Variants in LINS1 observed in about 807,000 individuals in gnomAD.
LINS1 encodes the protein protein Lines homolog 1.
LINS1 carries 27 observed loss-of-function variants against 41.6 expected under a neutral mutation model. The observed-to-expected ratio is 0.65, with a 90% CI of 0.48 to 0.89. The LOEUF is 0.89. LINS1 is among the 40% of genes least tolerant of loss of function. The probability of loss-of-function intolerance (pLI) is 0.00; values close to 1 mark genes in which losing one functional copy is unlikely to be tolerated. For missense variants in LINS1, 955 were observed against 884.1 expected, an observed-to-expected ratio of 1.08 and a Z score of -1.02; for synonymous variants, 336 against 312.9, an observed-to-expected ratio of 1.07 and a Z score of -0.78.
chr15:100,569,023 C>G lies in LINS1; in HGVS notation c.*215G>C, dbSNP rs2037652051. 7.4e-6 allele frequency: 3 copies of G among 403,936 alleles called. No homozygotes were observed. Among genetic ancestry groups the G allele is most frequent in the South Asian group, 5.8e-5 (2 of 34,574 alleles). The allele number at this position is 403,936 out of a possible 1,614,324, so 25.0% of individuals were successfully genotyped here. A position where few individuals can be genotyped will look rare whatever the true frequency, so the allele number is the denominator to read the frequency against. ...CCTGTAATTCCAGCTACTCGGGAGACTGAGGCAGGAGAATTGCTTGAACCC... is the reference window on the plus strand; with the variant it reads ...CCTGTAATTCCAGCTACTCGGGAGAGTGAGGCAGGAGAATTGCTTGAACCC... On this transcript the variant is annotated 3_prime_UTR_variant, in exon 7 of 7. Transcript: ENST00000314742.
chr15:100,570,102 A>G lies in LINS1; in HGVS notation c.1410T>C (p.Thr470=), dbSNP rs754002432. The G allele has an allele frequency of 3.2e-6, 5 of 1,586,584 alleles. No homozygotes were observed. The African/African-American group carries it at 5.4e-5, about 17-fold the overall frequency. The stretch of plus-strand genomic sequence containing the variant: ...TTTCTTTTCCCTGAGTCAAGCTTTC[A>G]GTGGCTTCACATCCTCTGAAAATGA... The part of the protein sequence containing the change: ...YLTLTRGCEA[T]ESLTQGKEMW... Residue 470 remains threonine (T), a synonymous_variant, in exon 7 of 7, where the codon ACT becomes ACC. Coordinates refer to ENST00000314742, the MANE Select transcript of LINS1 (RefSeq NM_001040616.3).
rs111869226 is a variant in LINS1, at chr15:100,595,269, T to G, written c.-104+6852A>C. ...AAGATGAGAAGACAAGCTACAGACT[T>G]AAAGAAAAATATCTGCAAAGCACAT... On this transcript the variant is annotated intron_variant, in intron 1 of 6. Coordinates refer to ENST00000314742, the MANE Select transcript of LINS1 (RefSeq NM_001040616.3). Among the ~76,000 whole-genome samples, 101 of 151,624 alleles carry G rather than the reference T, an allele frequency of 6.7e-4. 1 individual carries two copies. Among genetic ancestry groups the G allele is most frequent in the African/African-American group, 2.3e-3 (95 of 41,284 alleles).
At chr15:100,582,352 A>C (rs1373726761) in intron 1 of LINS1, among the ~76,000 whole-genome samples, 9 of 121,226 alleles carry the variant, frequency 7.4e-5, no homozygotes, top group East Asian at 2.9e-4. Context: ...TCCATCTACA[A>C]CATGGCCCAC....
At chr15:100,589,277 A>G (rs755334901) in intron 1 of LINS1, among the ~76,000 whole-genome samples, 68 of 152,252 alleles carry the variant, frequency 4.5e-4, no homozygotes, top group Non-Finnish European at 8.7e-4. Context: ...AACCACAGAA[A>G]TAACCAAATT....
At chr15:100,574,804 T>A (rs2038063455) in intron 4 of LINS1, among the ~76,000 whole-genome samples, 183 bp downstream of exon 4, 1 of 152,170 alleles carries the variant, frequency 6.6e-6, no homozygotes, top group Admixed American at 6.5e-5. Context: ...AGCTTTACTT[T>A]TTTCCTTATA....
At chr15:100,580,070 GAGAAAC>G (rs1383055567) in intron 3 of LINS1, among the ~76,000 whole-genome samples, 187 bp downstream of exon 3, 1 of 152,080 alleles carries the variant, frequency 6.6e-6, no homozygotes, top group Non-Finnish European at 1.5e-5. Context: ...GAAACTATAA[GAGAAAC>G]AGGTTAGGTG....
rs576126444 is a variant in LINS1, at chr15:100,570,025, A to G, written c.1487T>C (p.Leu496Ser). The change falls in exon 7 of 7, where the codon TTG becomes TCG. Residue 496 changes from leucine (L) to serine (S), a missense_variant. Leu to Ser is a moderately radical substitution (Grantham distance 145). Coordinates refer to ENST00000314742, the MANE Select transcript of LINS1 (RefSeq NM_001040616.3). ...ENGYNPHCIF[L>S]FFLKNIGFDS... ...AAATCCTATATTTTTCAAGAAGAACAAGAAAATACAGTGAGGATTATAGCC... is the reference window on the plus strand; with the variant it reads ...AAATCCTATATTTTTCAAGAAGAACGAGAAAATACAGTGAGGATTATAGCC... 1.3e-5 allele frequency: 20 copies of G among 1,552,578 alleles called. No individual in the cohort carries two copies. The South Asian group carries it at 1.8e-4, about 14-fold the overall frequency.
At position 100,573,753 on chromosome 15, in the gene LINS1, T is replaced by A; in HGVS notation, c.1120A>T (p.Ile374Phe). ...GDEVQPECELITSPDHVILRA... is the reference protein window; with the variant it reads ...GDEVQPECELFTSPDHVILRA... ...AGGATCACATGATCTGGACTAGTGA[T>A]AAGTTCACATTCAGGTTGAACTTCA... The change falls in exon 5 of 7, where the codon ATC (isoleucine) becomes TTC (phenylalanine). Residue 374 changes from isoleucine (I) to phenylalanine (F), a missense_variant. Ile to Phe is a conservative substitution (Grantham distance 21). Coordinates refer to ENST00000314742, the MANE Select transcript of LINS1 (RefSeq NM_001040616.3). 1 of 1,613,880 alleles carries A rather than the reference T, an allele frequency of 6.2e-7. No homozygotes were observed.
chr15:100,573,605 AAGT>A (rs1190895700), intron 5 of LINS1, 43 bp downstream of exon 5: 3 of 1,159,618 alleles, frequency 2.6e-6, no homozygotes, highest in Admixed American at 1.9e-5. Context: ...TACTGTACTT[AAGT>A]AAATAATTAC....
Position 100,572,044 on chromosome 15 carries a change from G to C in LINS1, c.1244C>G (p.Ser415Cys). Residue 415 changes from serine to cysteine, a missense_variant, in exon 6 of 7, where the codon TCT (serine) becomes TGT (cysteine). Ser to Cys is a moderately radical substitution (Grantham distance 112). Coordinates refer to ENST00000314742, the MANE Select transcript of LINS1 (RefSeq NM_001040616.3). ...EVKVDLQRFMSELLTFLKPHL... is the reference protein window; with the variant it reads ...EVKVDLQRFMCELLTFLKPHL... ...AGGCTTTAAGAAGGTCAGTAACTCA[G>C]ACATGAACCTCTGTAAGTCAACTTC... 6.2e-7 allele frequency: 1 copy of C among 1,614,174 alleles called. No individual in the cohort carries two copies. Among genetic ancestry groups the C allele is most frequent in the Non-Finnish European group, 8.5e-7 (1 of 1,180,024 alleles).
At position 100,569,832 on chromosome 15, in the gene LINS1, GACACAGCC is replaced by G; in HGVS notation, c.1672_1679del (p.Gly558ProfsTer22). ...AGCTTTGGTCTTGGACAAGTGAGGGGACACAGCCACAAATACTTATGTCATATTTAGAT... is the reference window on the plus strand; with the variant it reads ...AGCTTTGGTCTTGGACAAGTGAGGGGACAAATACTTATGTCATATTTAGAT... On this transcript the variant is annotated frameshift_variant, in exon 7 of 7. Transcript: ENST00000314742. LOFTEE classifies it low-confidence loss of function (END_TRUNC). The G allele has an allele frequency of 6.2e-7, 1 of 1,614,122 alleles. No homozygotes were observed. The highest frequency in any genetic ancestry group is 1.1e-5 in the South Asian group (1 of 91,066).
intron 1 of LINS1, among the ~76,000 whole-genome samples, chr15:100,600,149 A>G (rs543556500): frequency 6.6e-6 from 1 of 152,358 alleles, no homozygotes; most frequent in African/African-American, 2.4e-5. Flanking sequence ...CAGCATCTCA[A>G]CTAAAAATTT....
chr15:100,584,128 C>G (rs541892910), intron 1 of LINS1, among the ~76,000 whole-genome samples: 1 of 152,178 alleles, frequency 6.6e-6, no homozygotes, highest in East Asian at 1.9e-4. Context: ...ATTGCACTTA[C>G]TTTATATTTT....
intron 3 of LINS1, among the ~76,000 whole-genome samples, chr15:100,579,698 A>T (rs1051626451): frequency 6.6e-6 from 1 of 152,090 alleles, no homozygotes; most frequent in Non-Finnish European, 1.5e-5. Context: ...TAAGAGAAAA[A>T]CTCAACTCTG....
rs2037649988 is a variant in LINS1, at chr15:100,568,983, G to C, written c.*255C>G. 6.1e-6 allele frequency: 2 copies of C among 330,314 alleles called. No homozygotes were observed. Among genetic ancestry groups the C allele is most frequent in the Non-Finnish European group, 1.1e-5 (2 of 177,186 alleles). The allele number at this position is 330,314 out of a possible 1,614,324, so 20.5% of individuals were successfully genotyped here. ...TACTAAAAATACAAAAATTAGCTGGGCGTGGTGGCGGGCACCTGTAATTCC... is the reference window on the plus strand; with the variant it reads ...TACTAAAAATACAAAAATTAGCTGGCCGTGGTGGCGGGCACCTGTAATTCC... On this transcript the variant is annotated 3_prime_UTR_variant, in exon 7 of 7. Transcript: ENST00000314742.
intron 2 of LINS1, 27 bp downstream of exon 2, chr15:100,580,417 A>G: frequency 1.2e-6 from 2 of 1,609,120 alleles, no homozygotes; most frequent in South Asian, 2.2e-5. Flanking sequence ...TTAAATATCT[A>G]CATCTTTAGA....
In LINS1 at chr15:100,569,634, C is replaced by T; in HGVS notation, c.1878G>A (p.Leu626=). ...SLSSPRASQS[L]VDYDSSDDSD... The stretch of plus-strand genomic sequence containing the variant: ...AATCGTCAGAGCTGTCGTAATCTAC[C>T]AGACTTTGAGAGGCCCGGGGGGAAG... Residue 626 remains leucine, a synonymous_variant, in exon 7 of 7, where the codon CTG becomes CTA. Coordinates refer to ENST00000314742, the MANE Select transcript of LINS1 (RefSeq NM_001040616.3). The T allele has an allele frequency of 6.2e-7, 1 of 1,613,056 alleles. No individual in the cohort carries two copies. The highest frequency in any genetic ancestry group is 1.7e-5 in the Admixed American group (1 of 59,962).
chr15:100,587,964 G>A (rs2038880785), intron 1 of LINS1, among the ~76,000 whole-genome samples: 1 of 152,156 alleles, frequency 6.6e-6, no homozygotes, highest in East Asian at 1.9e-4. Flanking sequence ...CAGAAATCTG[G>A]CATGCCGGCA....
In LINS1 at chr15:100,570,450, C is replaced by A. The variant is rs3764200; in HGVS notation, c.1395-333G>T. 1,466 of 208,098 alleles carry A rather than the reference C, an allele frequency of 7.0e-3. 54 individuals carry two copies. The East Asian group carries it at 0.11, about 16-fold the overall frequency. 12.9% of individuals were successfully genotyped at this position (208,098 alleles called of 1,614,324 possible). A position where few individuals can be genotyped will look rare whatever the true frequency, so the allele number is the denominator to read the frequency against. ...GATAATTCCTAAACCTCCTTCCTTACCCTCAACAAGGGTGGGCATGTGACC... is the reference window on the plus strand; with the variant it reads ...GATAATTCCTAAACCTCCTTCCTTAACCTCAACAAGGGTGGGCATGTGACC... On this transcript the variant is annotated intron_variant, in intron 6 of 6. Transcript: ENST00000314742.
Sources: allele counts gnomAD v4.1 joint callset (sites outside exome capture counted in the v4.1 genomes callset), GRCh38; gene constraint gnomAD v4.1.1; transcripts MANE v1.5; gene names NCBI Gene and HGNC (gene_info 2026-07-23, HGNC 2026-07-21).